PRR16: variants seen among roughly 807,000 people sequenced by gnomAD.
The protein encoded by PRR16 is proline rich 16.
PRR16 carries 6 observed loss-of-function variants against 18.2 expected under a neutral mutation model. The ratio of observed to expected loss-of-function variants is 0.33; its 90% CI spans 0.18 to 0.65. The LOEUF is 0.65. Ranked by LOEUF, PRR16 falls within the 30% of genes least tolerant of loss-of-function variation. The probability of loss-of-function intolerance (pLI) is 0.74; values close to 1 mark genes in which losing one functional copy is unlikely to be tolerated. For missense variants in PRR16, 412 were observed against 376.6 expected (o/e 1.09, Z -0.78); for synonymous variants, 151 against 147.8 (o/e 1.02, Z -0.16).
chr5:120,481,591 T>C (rs1037513069), intron 1 of PRR16, among the ~76,000 whole-genome samples: 1 of 152,184 alleles, frequency 6.6e-6, no homozygotes, highest in Non-Finnish European at 1.5e-5. Context: ...TTCCTTTTAA[T>C]TGTAGAAAGC....
the PRR16 span, among the ~76,000 whole-genome samples, chr5:120,794,442 C>G: frequency 6.6e-6 from 1 of 152,026 alleles, no homozygotes; most frequent in Non-Finnish European, 1.5e-5. Context: ...GCATATGCAT[C>G]ATTAGTATAT....
At chr5:120,698,389 A>G in the PRR16 span, among the ~76,000 whole-genome samples, 4 of 152,084 alleles carry the variant, frequency 2.6e-5, no homozygotes, top group Non-Finnish European at 5.9e-5. Flanking sequence ...ATCTGATTAG[A>G]GAGTGCCTAA....
chr5:120,634,567 C>A (rs1478636308), intron 1 of PRR16, among the ~76,000 whole-genome samples: 10 of 152,082 alleles, frequency 6.6e-5, no homozygotes, highest in East Asian at 5.8e-4. Flanking sequence ...CACTTGAACC[C>A]AGGAGGTGGA....
intron 1 of PRR16, among the ~76,000 whole-genome samples, chr5:120,553,969 CTGTTT>C (rs1247701951): frequency 2.0e-5 from 3 of 151,960 alleles, no homozygotes; most frequent in African/African-American, 4.8e-5. Flanking sequence ...GCAGTAAATT[CTGTTT>C]TGTTTTGTCC....
the PRR16 span, among the ~76,000 whole-genome samples, chr5:120,746,430 AGAT>A: frequency 8.3e-4 from 6 of 7,256 alleles, no homozygotes; most frequent in Non-Finnish European, 8.6e-3. Context: ...AGGAACTCAG[AGAT>A]TTTTTTTTTT....
intron 1 of PRR16, among the ~76,000 whole-genome samples, chr5:120,487,997 C>G (rs1426607149): frequency 4.6e-5 from 7 of 152,122 alleles, no homozygotes; most frequent in African/African-American, 4.8e-5. Context: ...AGGGATGAAG[C>G]CCACTTGATC....
At chr5:120,711,087 C>T in the PRR16 span, among the ~76,000 whole-genome samples, 2 of 152,154 alleles carry the variant, frequency 1.3e-5, no homozygotes, top group African/African-American at 4.8e-5. Context: ...CCTTCCTCTT[C>T]AACATGTAAA....
chr5:120,503,209 T>C (rs778240784), intron 1 of PRR16, among the ~76,000 whole-genome samples: 1 of 152,122 alleles, frequency 6.6e-6, no homozygotes, highest in Non-Finnish European at 1.5e-5. Context: ...GTTTTCAGAC[T>C]CTAGGGCCTA....
chr5:120,618,654 A>G (rs922902793), intron 1 of PRR16: 16 of 657,696 alleles, frequency 2.4e-5, no homozygotes, highest in Non-Finnish European at 3.0e-5. Flanking sequence ...ATCTCAGGAT[A>G]AAGAGGAAAA....
intron 1 of PRR16, among the ~76,000 whole-genome samples, chr5:120,562,045 C>T (rs1047400232): frequency 6.6e-6 from 1 of 152,070 alleles, no homozygotes; most frequent in East Asian, 1.9e-4. Flanking sequence ...GAGTTTCTGT[C>T]TGGGAGATCT....
At chr5:120,596,370 C>T (rs1189822206) in intron 1 of PRR16, among the ~76,000 whole-genome samples, 5 of 151,742 alleles carry the variant, frequency 3.3e-5, no homozygotes, top group South Asian at 4.2e-4. Flanking sequence ...TCCACAAAAC[C>T]GGAACCTGAT....
the PRR16 span, among the ~76,000 whole-genome samples, chr5:120,693,496 A>G: frequency 3.3e-5 from 5 of 152,242 alleles, no homozygotes; most frequent in Non-Finnish European, 5.9e-5. Flanking sequence ...CAAAACGGAT[A>G]TGCAATTTCA....
chr5:120,636,816 A>C (rs1190946345), intron 1 of PRR16, among the ~76,000 whole-genome samples: 11 of 152,164 alleles, frequency 7.2e-5, no homozygotes, highest in Non-Finnish European at 1.5e-5. Context: ...TCTGCACAGC[A>C]AAAATAAATA....
At chr5:120,478,343 C>G (rs932124975) in intron 1 of PRR16, among the ~76,000 whole-genome samples, 3 of 152,068 alleles carry the variant, frequency 2.0e-5, no homozygotes, top group African/African-American at 7.2e-5. Context: ...GATTGGCTGG[C>G]GGGAGCTCTT....
At chr5:120,497,383 G>GTTTTTTTTTT in intron 1 of PRR16, among the ~76,000 whole-genome samples, 1 of 106,950 alleles carries the variant, frequency 9.4e-6, no homozygotes, top group Non-Finnish European at 1.9e-5. Flanking sequence ...TTGATGAACT[G>GTTTTTTTTTT]ATTTTTTTTT....
intron 1 of PRR16, among the ~76,000 whole-genome samples, chr5:120,537,059 AG>A (rs1751741518): frequency 6.6e-6 from 1 of 152,176 alleles, no homozygotes; most frequent in Non-Finnish European, 1.5e-5. Flanking sequence ...GGGCGAGAGG[AG>A]GGAGAGAAAC....
intron 1 of PRR16, among the ~76,000 whole-genome samples, chr5:120,664,778 A>G (rs62377793): frequency 7.3e-6 from 1 of 137,534 alleles, no homozygotes; most frequent in East Asian, 1.9e-4. Context: ...CCCTACAAAG[A>G]CATGAACTCA....
intron 1 of PRR16, among the ~76,000 whole-genome samples, chr5:120,673,679 C>T (rs1216166118): frequency 2.0e-5 from 3 of 151,898 alleles, no homozygotes; most frequent in Non-Finnish European, 2.9e-5. Context: ...TGGCTCATGC[C>T]GATAATCCCA....
the PRR16 span, among the ~76,000 whole-genome samples, chr5:120,738,610 T>C: frequency 6.6e-6 from 1 of 152,162 alleles, no homozygotes; most frequent in Non-Finnish European, 1.5e-5. Context: ...TATGAACATA[T>C]AAAACCAAAC....
Sources: gnomAD v4.1 joint callset for allele counts (sites outside exome capture counted in the v4.1 genomes callset) on GRCh38, gnomAD v4.1.1 for gene constraint, MANE v1.5 for transcripts, NCBI Gene and HGNC (gene_info 2026-07-23, HGNC 2026-07-21) for gene names.